The following BACH1 variants were observed in gnomAD, a reference collection of about 807,000 sequenced individuals.
BACH1 encodes the protein transcription regulator protein BACH1.
In BACH1, 35 loss-of-function variants were observed where a neutral mutation model predicts 52.9. That is an observed-to-expected ratio of 0.66 (90% CI 0.51 to 0.88). The LOEUF (loss-of-function observed/expected upper bound fraction) is 0.88. BACH1 is among the 40% of genes least tolerant of loss of function. The pLI is 0.00. For synonymous variants in BACH1, 321 were observed against 319.6 expected (o/e 1.00, Z -0.05); for missense variants, 808 against 872.6 (o/e 0.93, Z 0.93).
chr21:29,313,728 G>T (rs541156971), intron 1 of BACH1, among the ~76,000 whole-genome samples: 5 of 152,116 alleles, frequency 3.3e-5, no homozygotes, highest in Non-Finnish European at 7.4e-5. Context: ...CATAATATGT[G>T]ATTCTATTTG....
At chr21:29,308,738 A>G (rs1339827066) in intron 1 of BACH1, among the ~76,000 whole-genome samples, 1 of 152,260 alleles carries the variant, frequency 6.6e-6, no homozygotes, top group Non-Finnish European at 1.5e-5. Context: ...AAGATGGCAT[A>G]TGAAGAATCT....
At chr21:29,303,745 T>TATA (rs2088626461) in intron 1 of BACH1, among the ~76,000 whole-genome samples, 2 of 152,234 alleles carry the variant, frequency 1.3e-5, no homozygotes, top group Admixed American at 1.3e-4. Context: ...ATGTCTTATA[T>TATA]GTCTAATACT....
intron 1 of BACH1, among the ~76,000 whole-genome samples, chr21:29,314,198 G>A (rs1287182980): frequency 3.3e-5 from 5 of 152,108 alleles, no homozygotes; most frequent in African/African-American, 7.2e-5. Flanking sequence ...GTATAACAGT[G>A]GAATCTGTTA....
chr21:29,339,351 A>G lies in BACH1; in HGVS notation c.1777-3048A>G, dbSNP rs954223685. Among the ~76,000 whole-genome samples, 21 of 152,056 alleles carry G rather than the reference A, an allele frequency of 1.4e-4. No homozygotes were observed. The South Asian group carries it at 4.4e-3, about 32-fold the overall frequency. The stretch of plus-strand genomic sequence containing the variant: ...ATATCTCGTGGTAGCTTTTATTTTT[A>G]TCTTATGAGTGAAAATGAGCATTTT... On this transcript the variant is annotated intron_variant, in intron 4 of 4. Coordinates refer to ENST00000286800, the MANE Select transcript of BACH1 (RefSeq NM_001186.4).
intron 4 of BACH1, among the ~76,000 whole-genome samples, chr21:29,330,444 G>A (rs532792563): frequency 1.3e-5 from 2 of 152,084 alleles, no homozygotes; most frequent in East Asian, 3.9e-4. Flanking sequence ...CCTCCCAAAG[G>A]GATTTCAGGC....
chr21:29,304,255 A>C (rs1016621889), intron 1 of BACH1, among the ~76,000 whole-genome samples: 12 of 151,266 alleles, frequency 7.9e-5, no homozygotes, highest in Admixed American at 5.3e-4. Flanking sequence ...CCTCCGTAGT[A>C]GCTGGAATTA....
Position 29,321,385 on chromosome 21 carries a change from T to C in BACH1, c.105T>C (p.Asp35=), listed in dbSNP as rs929272344. Residue 35 remains aspartate (D), a synonymous_variant, in exon 2 of 5, where the codon GAT becomes GAC. Transcript: ENST00000286800. ...NDQRKKDVLC[D]VTIFVEGQRF... ...AGCGGAAGAAAGATGTGCTGTGCGATGTCACCATCTTTGTGGAGGGACAGC... is the reference window on the plus strand; with the variant it reads ...AGCGGAAGAAAGATGTGCTGTGCGACGTCACCATCTTTGTGGAGGGACAGC... 16 of 1,614,236 alleles carry C rather than the reference T, an allele frequency of 9.9e-6. No homozygotes were observed. Among genetic ancestry groups the C allele is most frequent in the Non-Finnish European group, 1.3e-5 (15 of 1,180,032 alleles).
chr21:29,337,837 G>A (rs952546423), intron 4 of BACH1, among the ~76,000 whole-genome samples: 6 of 152,156 alleles, frequency 3.9e-5, no homozygotes, highest in Admixed American at 6.5e-5. Context: ...GCTGAGGCAG[G>A]AGAATCGCTT....
At chr21:29,331,948 TG>T (rs1261206645) in intron 4 of BACH1, among the ~76,000 whole-genome samples, 1 of 152,206 alleles carries the variant, frequency 6.6e-6, no homozygotes, top group African/African-American at 2.4e-5. Flanking sequence ...TCACCCAGGC[TG>T]GAATGCAGTG....
chr21:29,307,462 T>C (rs1195426475), intron 1 of BACH1, among the ~76,000 whole-genome samples: 1 of 152,194 alleles, frequency 6.6e-6, no homozygotes, highest in African/African-American at 2.4e-5. Context: ...TTAGCAATTT[T>C]GAAATACAGT....
intron 2 of BACH1, 49 bp from the exon 3 acceptor site, chr21:29,326,010 C>T (rs1342925985): frequency 1.3e-6 from 2 of 1,530,354 alleles, no homozygotes; most frequent in African/African-American, 1.4e-5. Flanking sequence ...TTTTTATGTA[C>T]TAGACAGCTT....
In BACH1 at chr21:29,345,552, G is replaced by A. The variant is rs1045607271; in HGVS notation, c.*2719G>A. 6.6e-6 allele frequency: 1 copy of A among 151,990 alleles called. No individual in the cohort carries two copies. The highest frequency in any genetic ancestry group is 1.9e-4 in the East Asian group (1 of 5,184). The allele number at this position is 151,990 out of a possible 1,614,324, so 9.4% of individuals were successfully genotyped here. Reference sequence around the variant, plus strand: ...ACTATAGCAAATAATTCGTTAAATTGTCATATTCAAAACAAATGTGGATAC... The same window carrying A: ...ACTATAGCAAATAATTCGTTAAATTATCATATTCAAAACAAATGTGGATAC... On this transcript the variant is annotated 3_prime_UTR_variant, in exon 5 of 5. Coordinates refer to ENST00000286800, the MANE Select transcript of BACH1 (RefSeq NM_001186.4).
intron 2 of BACH1, among the ~76,000 whole-genome samples, chr21:29,324,403 T>C (rs371148648): frequency 9.9e-5 from 15 of 152,142 alleles, no homozygotes; most frequent in East Asian, 3.8e-4. Flanking sequence ...TTCTAAAGTT[T>C]TGTCATTCTA....
chr21:29,357,391 G>A (rs960317362), intron 2 of BACH1, among the ~76,000 whole-genome samples: 2 of 152,188 alleles, frequency 1.3e-5, no homozygotes, highest in African/African-American at 4.8e-5. Flanking sequence ...TGGCAGTCAC[G>A]CTCGATTGGT....
At chr21:29,334,344 C>T (rs1008196365) in intron 4 of BACH1, among the ~76,000 whole-genome samples, 6 of 151,902 alleles carry the variant, frequency 3.9e-5, no homozygotes, top group South Asian at 2.1e-4. Flanking sequence ...TTGATCCGCC[C>T]GCCTCGGCCT....
At chr21:29,317,093 G>A (rs2088796117) in intron 1 of BACH1, among the ~76,000 whole-genome samples, 2 of 152,196 alleles carry the variant, frequency 1.3e-5, no homozygotes, top group Admixed American at 1.3e-4. Context: ...TCTCACAGGA[G>A]TGTGAACCCT....
intron 1 of BACH1, among the ~76,000 whole-genome samples, chr21:29,320,208 C>T (rs1181954775): frequency 1.3e-5 from 2 of 152,120 alleles, no homozygotes; most frequent in African/African-American, 2.4e-5. Context: ...AAGTGAATGA[C>T]GCAGGGATGA....
chr21:29,338,766 A>G (rs1001439838), intron 4 of BACH1, among the ~76,000 whole-genome samples: 1 of 152,160 alleles, frequency 6.6e-6, no homozygotes, highest in African/African-American at 2.4e-5. Context: ...TCTTGATCTC[A>G]TCTTCTCCTT....
rs149911725 is a variant in BACH1 at position 29,327,216 on chromosome 21, A to G, written c.1392A>G (p.Ile464Met). Residue 464 changes from isoleucine to methionine, a missense_variant, in exon 3 of 5, where the codon ATA becomes ATG. Ile to Met is a conservative substitution (Grantham distance 10). Transcript: ENST00000286800. Reference sequence around the variant, plus strand: ...TAAGTTCTGTCAACTGCCCTTTTATAAGTACTCTGAGTACTGAAGGCTGTT... The same window carrying G: ...TAAGTTCTGTCAACTGCCCTTTTATGAGTACTCTGAGTACTGAAGGCTGTT... ...TTLSSVNCPF[I>M]STLSTEGCSS... 229 of 1,614,174 alleles carry G rather than the reference A, an allele frequency of 1.4e-4. 1 individual carries two copies. The African/African-American group carries it at 2.6e-3, about 18-fold the overall frequency.
Sources: gnomAD v4.1 joint callset for allele counts (sites outside exome capture counted in the v4.1 genomes callset) on GRCh38, gnomAD v4.1.1 for gene constraint, MANE v1.5 for transcripts, NCBI Gene and HGNC (gene_info 2026-07-23, HGNC 2026-07-21) for gene names.